MAD1L1: variants seen among roughly 807,000 people sequenced by gnomAD.
MAD1L1 encodes the protein mitotic arrest deficient 1 like 1.
In MAD1L1, 95 loss-of-function variants were observed where a neutral mutation model predicts 96.9. The ratio of observed to expected loss-of-function variants is 0.98; its 90% CI spans 0.83 to 1.16. MAD1L1 has a LOEUF of 1.16. Among genes scored for constraint, MAD1L1 ranks in the 50% most tolerant of loss-of-function variants. MAD1L1 has a pLI of 0.00. For missense variants in MAD1L1, 1,007 were observed against 954.4 expected (o/e 1.06, Z -0.73); for synonymous variants, 473 against 396.6 (o/e 1.19, Z -2.29).
intron 11 of MAD1L1, among the ~76,000 whole-genome samples, chr7:2,135,132 C>T (rs1005081202): frequency 2.0e-5 from 3 of 152,230 alleles, no homozygotes; most frequent in African/African-American, 7.2e-5. Context: ...TGTGAAGGAA[C>T]GGTGAGCGCA....
rs186566328 is a variant in MAD1L1, at chr7:2,128,439, G to A, written c.1073+20713C>T. On this transcript the variant is annotated intron_variant, in intron 11 of 18. Transcript: ENST00000265854. ...TCATGAAACACTCGCTCATCAGCAC[G>A]GGAGTCACAAAAAGCACAGAACACG... 2.7e-3 allele frequency among the ~76,000 whole-genome samples: 412 copies of A among 152,136 alleles called. 5 individuals are homozygous for A. The highest frequency in any genetic ancestry group is 9.4e-3 in the African/African-American group (392 of 41,496).
At position 2,113,177 on chromosome 7, in the gene MAD1L1, C is replaced by T. The variant is rs939178423; in HGVS notation, c.1073+35975G>A. ...GCCTCCCTCAGCAAAGCGTCCCACT[C>T]AGGAAACACGGAAGAGACGGGCGGA... is the stretch of plus-strand genomic sequence containing the variant. On this transcript the variant is annotated intron_variant, in intron 11 of 18. Coordinates refer to ENST00000265854, the MANE Select transcript of MAD1L1 (RefSeq NM_001013836.2). Among the ~76,000 whole-genome samples the T allele has an allele frequency of 2.0e-5, 3 of 152,140 alleles. No individual in the cohort carries two copies. The South Asian group carries it at 6.2e-4, about 32-fold the overall frequency.
chr7:2,102,468 ACTG>A (rs748006977), intron 11 of MAD1L1, among the ~76,000 whole-genome samples: 1 of 92,760 alleles, frequency 1.1e-5, no homozygotes, highest in African/African-American at 3.7e-5. Flanking sequence ...ACTCACCACC[ACTG>A]CTACTGTCAC....
In MAD1L1 at chr7:1,815,990, C is replaced by A. The variant is rs1197397630; in HGVS notation, c.*80G>T. The A allele has an allele frequency of 2.7e-6, 4 of 1,480,284 alleles. No individual in the cohort carries two copies. In the Admixed American group the frequency reaches 6.4e-5, roughly 24 times the overall value. The allele number at this position is 1,480,284 out of a possible 1,614,324, so 91.7% of individuals were successfully genotyped here. A position where few individuals can be genotyped will look rare whatever the true frequency, so the allele number is the denominator to read the frequency against. The stretch of plus-strand genomic sequence containing the variant: ...GGGGCTGGAGAGGCAGGACGTGCAC[C>A]CAGCCTGTGGCTGGCGGGGCAGGGG... On this transcript the variant is annotated 3_prime_UTR_variant, in exon 19 of 19. Coordinates refer to ENST00000265854, the MANE Select transcript of MAD1L1 (RefSeq NM_001013836.2).
chr7:2,162,431 C>T (rs1300479614), intron 10 of MAD1L1, among the ~76,000 whole-genome samples: 2 of 152,002 alleles, frequency 1.3e-5, no homozygotes, highest in South Asian at 4.1e-4. Context: ...ATCTCAAGTA[C>T]CCAGGGACAC....
chr7:2,074,581 GA>G (rs1446668648), intron 11 of MAD1L1, among the ~76,000 whole-genome samples: 3 of 152,236 alleles, frequency 2.0e-5, no homozygotes, highest in African/African-American at 7.2e-5. Flanking sequence ...AGGCTGCTGG[GA>G]GGGGGCAAGG....
chr7:2,055,219 C>G (rs968476203), intron 12 of MAD1L1, among the ~76,000 whole-genome samples: 1 of 152,152 alleles, frequency 6.6e-6, no homozygotes, highest in African/African-American at 2.4e-5. Context: ...TGAGCACACG[C>G]CAGGACGTGT....
chr7:2,083,690 AC>A (rs1332759333), intron 11 of MAD1L1, among the ~76,000 whole-genome samples: 1 of 152,138 alleles, frequency 6.6e-6, no homozygotes, highest in Admixed American at 6.5e-5. Flanking sequence ...CTGGGTTGAA[AC>A]CCGGCCTCCG....
intron 18 of MAD1L1, 97 bp from the exon 19 acceptor site, chr7:1,816,325 T>A: frequency 1.6e-6 from 2 of 1,289,456 alleles, no homozygotes; most frequent in Admixed American, 3.9e-5. Flanking sequence ...CCATGGGGGC[T>A]TCCCTCAGTC....
chr7:2,073,492 G>C (rs897660786), intron 11 of MAD1L1, among the ~76,000 whole-genome samples: 4 of 152,152 alleles, frequency 2.6e-5, no homozygotes, highest in African/African-American at 9.7e-5. Flanking sequence ...CCTGGGATCT[G>C]TACTGACTTC....
intron 15 of MAD1L1, among the ~76,000 whole-genome samples, chr7:1,979,909 G>C (rs772484648): frequency 3.3e-5 from 5 of 152,208 alleles, no homozygotes; most frequent in African/African-American, 4.8e-5. Context: ...GGGACACTGA[G>C]AGACCCCTGC....
At chr7:2,023,433 C>T (rs967416618) in intron 12 of MAD1L1, among the ~76,000 whole-genome samples, 2 of 152,080 alleles carry the variant, frequency 1.3e-5, no homozygotes, top group Non-Finnish European at 2.9e-5. Context: ...TTGTAAATAA[C>T]GCATGGGTCA....
intron 16 of MAD1L1, among the ~76,000 whole-genome samples, chr7:1,945,312 T>C (rs1385955402): frequency 6.6e-6 from 1 of 152,212 alleles, no homozygotes; most frequent in Admixed American, 6.5e-5. Context: ...CCGAGGACTA[T>C]CCCGGCACAG....
chr7:1,893,821 G>C (rs1037283542), intron 18 of MAD1L1, among the ~76,000 whole-genome samples: 1 of 152,224 alleles, frequency 6.6e-6, no homozygotes, highest in African/African-American at 2.4e-5. Context: ...CCCGGGACAA[G>C]GTGACTCCAC....
intron 12 of MAD1L1, among the ~76,000 whole-genome samples, chr7:2,053,570 G>A (rs1432560061): frequency 6.6e-6 from 1 of 152,234 alleles, no homozygotes; most frequent in African/African-American, 2.4e-5. Flanking sequence ...CGGGCGGCAG[G>A]AAAGCAACGG....
At position 2,222,605 on chromosome 7, in the gene MAD1L1, C is replaced by G; in HGVS notation, c.441G>C (p.Glu147Asp). The G allele has an allele frequency of 1.2e-6, 2 of 1,611,694 alleles. No homozygotes were observed. The highest frequency in any genetic ancestry group is 1.7e-6 in the Non-Finnish European group (2 of 1,179,198). ...CAGCCTGGGCCAGACTGTCCTCTTT[C>G]TCACGCAGCCTCTTGCTGGCAGCAT... ...NLDAASKRLR[E>D]KEDSLAQAGE... The change falls in exon 5 of 19, where the codon GAG (glutamate) becomes GAC (aspartate). Residue 147 changes from glutamate to aspartate, a missense_variant. By Grantham distance (45) the Glu-to-Asp change is conservative. Coordinates refer to ENST00000265854, the MANE Select transcript of MAD1L1 (RefSeq NM_001013836.2).
chr7:2,037,588 G>A (rs1783496173), intron 12 of MAD1L1, among the ~76,000 whole-genome samples: 1 of 152,168 alleles, frequency 6.6e-6, no homozygotes, highest in Non-Finnish European at 1.5e-5. Context: ...ATTCTGGGGC[G>A]CCACGTCCTG....
At chr7:1,981,360 G>T (rs12668848) in intron 14 of MAD1L1, among the ~76,000 whole-genome samples, 29 of 152,040 alleles carry the variant, frequency 1.9e-4, no homozygotes, top group African/African-American at 6.3e-4. Context: ...AACGGACTGC[G>T]GGCTCAAGGA....
intron 12 of MAD1L1, among the ~76,000 whole-genome samples, chr7:2,061,440 G>A (rs4721353): frequency 0.049 from 7,452 of 152,324 alleles, 322 homozygotes; most frequent in African/African-American, 0.11. Flanking sequence ...GTGTCTAACC[G>A]GCCAGTGAGC....
Sources: gnomAD v4.1 joint callset for allele counts (sites outside exome capture counted in the v4.1 genomes callset) on GRCh38, gnomAD v4.1.1 for gene constraint, MANE v1.5 for transcripts, NCBI Gene and HGNC (gene_info 2026-07-23, HGNC 2026-07-21) for gene names.